Variants in DPH7 observed in about 807,000 individuals in gnomAD.
DPH7 encodes the protein diphthamide biosynthesis 7.
Under a neutral mutation model 41.7 loss-of-function variants are expected in DPH7, and 44 were observed. That is an observed-to-expected ratio of 1.05 (90% CI 0.83 to 1.36). DPH7 has a LOEUF of 1.36. Ranked by LOEUF, DPH7 falls within the 40% of genes most tolerant of loss-of-function variation. The pLI, the probability that DPH7 is intolerant of heterozygous loss-of-function variation, is 0.00. For synonymous variants in DPH7, 275 were observed against 238.0 expected, an observed-to-expected ratio of 1.16 and a Z score of -1.43; for missense variants, 629 against 577.5, an observed-to-expected ratio of 1.09 and a Z score of -0.91.
At chr9:137,575,089 G>A in intron 3 of DPH7, 2 of 1,279,840 alleles carry the variant, frequency 1.6e-6, no homozygotes, top group Non-Finnish European at 2.0e-6. Flanking sequence ...GCTTGATCTT[G>A]GGGCATGGTC....
At chr9:137,560,729 G>A (rs1423169705) in intron 8 of DPH7, among the ~76,000 whole-genome samples, 3 of 151,936 alleles carry the variant, frequency 2.0e-5, no homozygotes, top group South Asian at 2.1e-4. Context: ...GGTGGTGGGC[G>A]CCTGTAGTCC....
At chr9:137,573,878 C>T (rs1054995812) in intron 5 of DPH7, among the ~76,000 whole-genome samples, 2 of 151,698 alleles carry the variant, frequency 1.3e-5, no homozygotes, top group Non-Finnish European at 2.9e-5. Context: ...CCAGCCTGAC[C>T]AACATGGTGA....
At chr9:137,576,019 C>T in intron 3 of DPH7, 61 bp downstream of exon 3, 1 of 1,606,504 alleles carries the variant, frequency 6.2e-7, no homozygotes, top group Non-Finnish European at 8.5e-7. Flanking sequence ...AGCACAGCCT[C>T]CTCCCCAACC....
intron 1 of DPH7, 150 bp downstream of exon 1, chr9:137,578,475 T>G: frequency 3.9e-6 from 4 of 1,031,036 alleles, no homozygotes; most frequent in Non-Finnish European, 5.2e-6. Context: ...CGAGAACAAT[T>G]TTTTTAAAAA....
chr9:137,558,656 T>A (rs1261750409), intron 8 of DPH7, among the ~76,000 whole-genome samples: 1 of 152,156 alleles, frequency 6.6e-6, no homozygotes, highest in Admixed American at 6.5e-5. Flanking sequence ...TTATAGAGGC[T>A]GGGGGAGGGA....
Position 137,565,140 on chromosome 9 carries a change from G to A in DPH7, c.655C>T (p.Leu219Phe). Residue 219 changes from leucine (L) to phenylalanine (F), a missense_variant, in exon 6 of 9, where the codon CTT (leucine) becomes TTT (phenylalanine). Coordinates refer to ENST00000277540, the MANE Select transcript of DPH7 (RefSeq NM_138778.5). ...EIVYSGGDDGLLRGWDTRVPG... is the reference protein window; with the variant it reads ...EIVYSGGDDGFLRGWDTRVPG... The stretch of plus-strand genomic sequence containing the variant: ...ACCCTGGTGTCCCAGCCCCTCAGAA[G>A]GCCATCGTCGCCCCCTGTGTGGAGA... The A allele has an allele frequency of 1.9e-6, 3 of 1,614,036 alleles. No homozygotes were observed. Among genetic ancestry groups the A allele is most frequent in the Non-Finnish European group, 2.5e-6 (3 of 1,180,020 alleles).
intron 8 of DPH7, among the ~76,000 whole-genome samples, chr9:137,559,847 C>T (rs570412571): frequency 2.6e-5 from 4 of 152,184 alleles, no homozygotes; most frequent in Admixed American, 1.3e-4. Context: ...GGGCCACTAC[C>T]GGTCTCTGCA....
chr9:137,558,546 C>T (rs1467431738), intron 8 of DPH7, among the ~76,000 whole-genome samples: 4 of 152,092 alleles, frequency 2.6e-5, no homozygotes, highest in African/African-American at 4.8e-5. Flanking sequence ...ACCTTGAAAA[C>T]GTTAAGCTAT....
chr9:137,555,882 C>T (rs1017257299), intron 8 of DPH7, among the ~76,000 whole-genome samples: 3 of 152,172 alleles, frequency 2.0e-5, no homozygotes, highest in Non-Finnish European at 4.4e-5. Flanking sequence ...AAGCATCAAG[C>T]GGGGCTACAG....
chr9:137,564,686 C>T (rs1588856662), intron 7 of DPH7, 80 bp from the exon 8 acceptor site: 10 of 1,548,998 alleles, frequency 6.5e-6, no homozygotes, highest in African/African-American at 4.1e-5. Flanking sequence ...GGGCACAGAA[C>T]GTCTCCCAGA....
chr9:137,565,019 AGGGCTGGTGACCCAGGGAACGCGG>A, intron 6 of DPH7, 42 bp downstream of exon 6: 1 of 1,609,694 alleles, frequency 6.2e-7, no homozygotes, highest in Non-Finnish European at 8.5e-7. Flanking sequence ...AGGGAACGGG[AGGGCTGGTGACCCAGGGAACGCGG>A]GGGCTGGTGT....
At position 137,578,751 on chromosome 9, in the gene DPH7, C is replaced by T. The variant is rs929130050; in HGVS notation, c.27G>A (p.Thr9=). 5 of 1,521,184 alleles carry T rather than the reference C, an allele frequency of 3.3e-6. No individual in the cohort carries two copies. Among genetic ancestry groups the T allele is most frequent in the Non-Finnish European group, 4.4e-6 (5 of 1,136,472 alleles). The allele number at this position is 1,521,184 out of a possible 1,614,324, so 94.2% of individuals were successfully genotyped here. ...AGTCCGCGGTCAGCTCGGTGTCCAC[C>T]GTTTGCAGGGCGAAACAGCCCATCA... is the stretch of plus-strand genomic sequence containing the variant. MMGCFALQ[T]VDTELTADSV... is the part of the protein sequence containing the mutation. The change falls in exon 1 of 9, where the codon ACG becomes ACA. Residue 9 remains threonine (T), a synonymous_variant. Coordinates refer to ENST00000277540, the MANE Select transcript of DPH7 (RefSeq NM_138778.5).
At chr9:137,575,570 C>T (rs1410214849) in intron 3 of DPH7, 38 of 995,120 alleles carry the variant, frequency 3.8e-5, no homozygotes, top group Non-Finnish European at 4.6e-5. Context: ...GGAGTGAGGG[C>T]GTGGTTTCAG....
chr9:137,555,459 C>G lies in DPH7; in HGVS notation c.1139G>C (p.Cys380Ser). The part of the protein sequence containing the change: ...ASELPTPCHE[C>S]REDNDGEGHA... ...GCCCTCCCCATCGTTATCCTCTCTG[C>G]ATTCATGACAGGGTGTTGGCAACTC... Residue 380 changes from cysteine (C) to serine (S), a missense_variant, in exon 9 of 9, where the codon TGC becomes TCC. Coordinates refer to ENST00000277540, the MANE Select transcript of DPH7 (RefSeq NM_138778.5). The G allele has an allele frequency of 6.2e-7, 1 of 1,614,136 alleles. No homozygotes were observed. The highest frequency in any genetic ancestry group is 8.5e-7 in the Non-Finnish European group (1 of 1,179,988).
Position 137,555,525 on chromosome 9 carries a change from C to G in DPH7, c.1073G>C (p.Ser358Thr). The G allele has an allele frequency of 6.2e-7, 1 of 1,614,100 alleles. No individual in the cohort carries two copies. The highest frequency in any genetic ancestry group is 8.5e-7 in the Non-Finnish European group (1 of 1,180,016). Residue 358 changes from serine (S) to threonine (T), a missense_variant, in exon 9 of 9, where the codon AGC (serine) becomes ACC (threonine). By Grantham distance (58) the Ser-to-Thr change is moderately conservative (BLOSUM62 1). Coordinates refer to ENST00000277540, the MANE Select transcript of DPH7 (RefSeq NM_138778.5). ...LQRAPSWSFP[S>T]NLGTKTADLK... ...GTCTGCCGTCTTGGTTCCTAGGTTG[C>G]TAGGAAAGGACCACGAGGGGGCCCG...
Position 137,574,780 on chromosome 9 carries a change from G to A in DPH7, c.439C>T (p.Leu147=). Reference sequence around the variant, plus strand: ...CCAGTTTTCCCAGTGGACCAATCTAGGGACAAAGCCAGACACTGCTCCTCC... The same window carrying A: ...CCAGTTTTCCCAGTGGACCAATCTAAGGACAAAGCCAGACACTGCTCCTCC... ...ALEEQCLALS[L]DWSTGKTGRA... The change falls in exon 4 of 9, where the codon CTA becomes TTA. Residue 147 remains leucine, a synonymous_variant. Coordinates refer to ENST00000277540, the MANE Select transcript of DPH7 (RefSeq NM_138778.5). 1.9e-6 allele frequency: 3 copies of A among 1,614,038 alleles called. No homozygotes were observed. The highest frequency in any genetic ancestry group is 2.5e-6 in the Non-Finnish European group (3 of 1,180,000).
intron 5 of DPH7, among the ~76,000 whole-genome samples, chr9:137,569,586 C>G (rs1186219188): frequency 7.6e-6 from 1 of 131,068 alleles, no homozygotes. Context: ...CCATCCACCC[C>G]CCGTCTATCA....
intron 8 of DPH7, among the ~76,000 whole-genome samples, chr9:137,561,005 G>C (rs1462010661): frequency 8.5e-6 from 1 of 118,102 alleles, no homozygotes; most frequent in Admixed American, 1.2e-4. Flanking sequence ...CAGGGCAACA[G>C]AGCAAGACCC....
intron 2 of DPH7, 95 bp downstream of exon 2, chr9:137,577,375 T>G: frequency 7.9e-7 from 1 of 1,258,014 alleles, no homozygotes; most frequent in Admixed American, 1.9e-5. Flanking sequence ...AAAGTTGAGA[T>G]GCAATGCCTG....
Sources: allele counts gnomAD v4.1 joint callset (sites outside exome capture counted in the v4.1 genomes callset), GRCh38; gene constraint gnomAD v4.1.1; transcripts MANE v1.5; gene names NCBI Gene and HGNC (gene_info 2026-07-23, HGNC 2026-07-21).